Variants in ANKIB1 observed in about 807,000 individuals in gnomAD.
ANKIB1 encodes the protein ankyrin repeat and IBR domain containing 1.
Under a neutral mutation model 122.1 loss-of-function variants are expected in ANKIB1, and 43 were observed. The ratio of observed to expected loss-of-function variants is 0.35; its 90% CI spans 0.28 to 0.45. The LOEUF is 0.45. ANKIB1 is among the 20% of genes least tolerant of loss of function. The pLI is 1.00. For synonymous variants in ANKIB1, 390 were observed against 442.0 expected, an observed-to-expected ratio of 0.88 and a Z score of 1.48; for missense variants, 992 against 1,329.5, an observed-to-expected ratio of 0.75 and a Z score of 3.95.
intron 5 of ANKIB1, among the ~76,000 whole-genome samples, chr7:92,339,092 A>G (rs1803376978): frequency 8.1e-6 from 1 of 124,056 alleles, no homozygotes; most frequent in Non-Finnish European, 1.6e-5. Flanking sequence ...CCTAGGCTAG[A>G]GTGTAGTGGC....
rs185281208 is a variant in ANKIB1 at position 92,268,946 on chromosome 7, G to A, written c.-91+22427G>A. On this transcript the variant is annotated intron_variant, in intron 1 of 19. Transcript: ENST00000265742. ...TTTTTAGAACAGCTTGTGGTAGAAT[G>A]TTTGGGGAAAGCATTACTCTAAAGT... Among the ~76,000 whole-genome samples, 10 of 152,326 alleles carry A rather than the reference G, an allele frequency of 6.6e-5. No individual in the cohort carries two copies. In the East Asian group the frequency reaches 1.9e-3, roughly 29 times the overall value.
chr7:92,390,209 C>A, intron 15 of ANKIB1, 93 bp downstream of exon 15: 1 of 905,524 alleles, frequency 1.1e-6, no homozygotes, highest in Non-Finnish European at 1.6e-6. Context: ...TTAATGTGGA[C>A]ATGATTACTA....
chr7:92,266,384 G>GTA (rs1184979328), intron 1 of ANKIB1, among the ~76,000 whole-genome samples: 2 of 152,132 alleles, frequency 1.3e-5, no homozygotes, highest in Non-Finnish European at 2.9e-5. Context: ...TGAAGAATAT[G>GTA]TATATATATG....
chr7:92,369,563 G>A (rs1304077421), intron 10 of ANKIB1, among the ~76,000 whole-genome samples: 2 of 152,096 alleles, frequency 1.3e-5, no homozygotes, highest in Non-Finnish European at 2.9e-5. Context: ...ACTTCCCCAG[G>A]GGCTTATATC....
At chr7:92,266,404 T>A (rs59895741) in intron 1 of ANKIB1, among the ~76,000 whole-genome samples, 1 of 152,082 alleles carries the variant, frequency 6.6e-6, no homozygotes, top group Non-Finnish European at 1.5e-5. Flanking sequence ...GTAGCAGATA[T>A]AGGGAGCAAC....
chr7:92,249,393 T>C (rs1801272437), intron 1 of ANKIB1, among the ~76,000 whole-genome samples: 1 of 152,228 alleles, frequency 6.6e-6, no homozygotes, highest in African/African-American at 2.4e-5. Context: ...TTAAGCCACT[T>C]GACCCTGTTG....
At chr7:92,286,499 G>C (rs958898205) in intron 1 of ANKIB1, among the ~76,000 whole-genome samples, 2 of 141,928 alleles carry the variant, frequency 1.4e-5, no homozygotes, top group Admixed American at 7.1e-5. Flanking sequence ...TTTTTTTTGA[G>C]ACGGAGTTTC....
chr7:92,366,027 C>G (rs1367815967), intron 10 of ANKIB1, among the ~76,000 whole-genome samples: 1 of 151,466 alleles, frequency 6.6e-6, no homozygotes, highest in Non-Finnish European at 1.5e-5. Context: ...GATCTGACCT[C>G]GTGATCCGCC....
rs768819470 is a variant in ANKIB1 at position 92,246,394 on chromosome 7, G to T, written c.-216G>T. ...CCGGGCCGGCGAGGAAGGGGCAACCGTCCGGGTGGGTGGGGCGGGCTGGGT... is the reference window on the plus strand; with the variant it reads ...CCGGGCCGGCGAGGAAGGGGCAACCTTCCGGGTGGGTGGGGCGGGCTGGGT... On this transcript the variant is annotated 5_prime_UTR_variant, in exon 1 of 20. Coordinates refer to ENST00000265742, the MANE Select transcript of ANKIB1 (RefSeq NM_019004.2). 2.0e-5 allele frequency: 10 copies of T among 497,334 alleles called. 1 individual carries two copies. Among genetic ancestry groups the T allele is most frequent in the South Asian group, 5.9e-5 (4 of 68,136 alleles). 30.8% of individuals were successfully genotyped at this position (497,334 alleles called of 1,614,324 possible). A position where few individuals can be genotyped will look rare whatever the true frequency, so the allele number is the denominator to read the frequency against.
chr7:92,383,172 C>T (rs567572886), intron 11 of ANKIB1, among the ~76,000 whole-genome samples: 1 of 152,012 alleles, frequency 6.6e-6, no homozygotes, highest in African/African-American at 2.4e-5. Flanking sequence ...ACACATACAC[C>T]CTCCCAAGAC....
chr7:92,387,984 C>T lies in ANKIB1; in HGVS notation c.1849C>T (p.Arg617Cys), dbSNP rs755986517. The T allele has an allele frequency of 3.5e-5, 55 of 1,585,074 alleles. No homozygotes were observed. The highest frequency in any genetic ancestry group is 9.4e-5 in the African/African-American group (7 of 74,242). The change falls in exon 14 of 20, where the codon CGC becomes TGC. Residue 617 changes from arginine to cysteine, a missense_variant. This residue lies in a region of ANKIB1 where 521 missense variants were observed against 777.7 expected (regional missense o/e 0.67). Coordinates refer to ENST00000265742, the MANE Select transcript of ANKIB1 (RefSeq NM_019004.2). ...ATTTCTATTCCTTTAGCTAGAACAACGCCTTCTTAAAACAGCCAAAGAAAA... is the reference window on the plus strand; with the variant it reads ...ATTTCTATTCCTTTAGCTAGAACAATGCCTTCTTAAAACAGCCAAAGAAAA... ...NHEHSYQLEQ[R>C]LLKTAKEKME... is the part of the protein sequence containing the mutation.
chr7:92,279,394 G>A (rs1257062110), intron 1 of ANKIB1, among the ~76,000 whole-genome samples: 1 of 152,188 alleles, frequency 6.6e-6, no homozygotes, highest in Non-Finnish European at 1.5e-5. Context: ...AATTAAGAAT[G>A]CAATTAGCCA....
At chr7:92,316,011 T>G (rs994563035) in intron 3 of ANKIB1, among the ~76,000 whole-genome samples, 5 of 152,126 alleles carry the variant, frequency 3.3e-5, no homozygotes, top group African/African-American at 1.2e-4. Flanking sequence ...GGGTTACCTC[T>G]CTTAAAGCCC....
At chr7:92,351,717 T>G (rs549662172) in intron 8 of ANKIB1, among the ~76,000 whole-genome samples, 54 of 150,298 alleles carry the variant, frequency 3.6e-4, no homozygotes, top group South Asian at 1.7e-3. Flanking sequence ...CCTTTTTTTT[T>G]TTGTTTTTTT....
intron 2 of ANKIB1, among the ~76,000 whole-genome samples, chr7:92,305,229 A>G (rs1430447380): frequency 6.6e-6 from 1 of 152,158 alleles, no homozygotes; most frequent in Admixed American, 6.5e-5. Flanking sequence ...GTTAGGAGCT[A>G]TTATGTAACT....
At chr7:92,300,263 G>A (rs1802434715) in intron 2 of ANKIB1, among the ~76,000 whole-genome samples, 1 of 152,126 alleles carries the variant, frequency 6.6e-6, no homozygotes, top group South Asian at 2.1e-4. Flanking sequence ...AAATATGATT[G>A]TATATTCTCT....
At chr7:92,396,567 G>A (rs1420187067) in intron 18 of ANKIB1, 91 bp downstream of exon 18, 3 of 670,644 alleles carry the variant, frequency 4.5e-6, no homozygotes, top group Non-Finnish European at 7.9e-6. Context: ...GAACGAGTTT[G>A]TCATTTAGAT....
chr7:92,277,726 C>T (rs1432925207), intron 1 of ANKIB1, among the ~76,000 whole-genome samples: 1 of 151,984 alleles, frequency 6.6e-6, no homozygotes, highest in Non-Finnish European at 1.5e-5. Flanking sequence ...GCCAGAGGAT[C>T]GCTTGAGGGC....
At chr7:92,258,459 G>T (rs1801494115) in intron 1 of ANKIB1, among the ~76,000 whole-genome samples, 1 of 152,188 alleles carries the variant, frequency 6.6e-6, no homozygotes, top group Non-Finnish European at 1.5e-5. Context: ...GTCTGAGTGG[G>T]ATCTGAGAGT....
Sources: allele counts gnomAD v4.1 joint callset (sites outside exome capture counted in the v4.1 genomes callset), GRCh38; gene constraint gnomAD v4.1.1; regional missense constraint gnomAD v4.1.1; transcripts MANE v1.5; gene names NCBI Gene and HGNC (gene_info 2026-07-23, HGNC 2026-07-21).